The following RYR3 variants were observed in gnomAD, a reference collection of about 807,000 sequenced individuals.
RYR3 encodes brain ryanodine receptor-calcium release channel.
RYR3 carries 207 observed loss-of-function variants against 584.3 expected under a neutral mutation model. The observed-to-expected ratio is 0.35, with a 90% CI of 0.32 to 0.40. The LOEUF (loss-of-function observed/expected upper bound fraction) is 0.40, where lower values mean the gene tolerates loss of function less well. Ranked by LOEUF, RYR3 falls within the 10% of genes least tolerant of loss-of-function variation. The pLI, the probability that RYR3 is intolerant of heterozygous loss-of-function variation, is 1.00. For synonymous variants in RYR3, 2,416 were observed against 2,248.5 expected (o/e 1.07, Z -2.11); for missense variants, 5,616 against 6,089.2 (o/e 0.92, Z 2.59).
At chr15:33,402,951 C>A (rs964811479) in intron 1 of RYR3, among the ~76,000 whole-genome samples, 1 of 152,182 alleles carries the variant, frequency 6.6e-6, no homozygotes, top group Non-Finnish European at 1.5e-5. Flanking sequence ...TGCCTCACTG[C>A]GTCAGCCACA....
chr15:33,484,949 G>T (rs1053605239), intron 2 of RYR3, among the ~76,000 whole-genome samples: 7 of 152,090 alleles, frequency 4.6e-5, no homozygotes, highest in East Asian at 1.9e-4. Context: ...CCTTAGTAAA[G>T]GAATTGGTAA....
chr15:33,390,153 C>T lies in RYR3; in HGVS notation c.51+79057C>T, dbSNP rs1485814316. On this transcript the variant is annotated intron_variant, in intron 1 of 103. Transcript: ENST00000634891. This position sits in a 1 kb window ranked among gnomAD's most constrained non-coding sequence, Gnocchi z 4.2. ...TGTACTGTTATTCCAAGCAGAGTCT[C>T]GCTGCTGGGAGACAAGAAATGAAAT... 6.6e-6 allele frequency among the ~76,000 whole-genome samples: 1 copy of T among 152,200 alleles called. No individual in the cohort carries two copies. The highest frequency in any genetic ancestry group is 1.9e-4 in the East Asian group (1 of 5,206).
intron 18 of RYR3, among the ~76,000 whole-genome samples, chr15:33,606,328 A>G (rs2059901700): frequency 6.6e-6 from 1 of 152,178 alleles, no homozygotes; most frequent in Non-Finnish European, 1.5e-5. Flanking sequence ...TATGAATTGC[A>G]CTGCAGTTAT....
In RYR3 at chr15:33,572,673, A is replaced by ACG. The variant is rs2058091707; in HGVS notation, c.1268+5875_1268+5876insGC. Among the ~76,000 whole-genome samples, 4 of 139,034 alleles carry ACG rather than the reference A, an allele frequency of 2.9e-5. No homozygotes were observed. The Admixed American group carries it at 3.3e-4, about 11-fold the overall frequency. The allele number at this position is 139,034 out of a possible 152,430, so 91.2% of individuals were successfully genotyped here. On this transcript the variant is annotated intron_variant, in intron 12 of 103. Coordinates refer to ENST00000634891, the MANE Select transcript of RYR3 (RefSeq NM_001036.6). ...AAACTATATATACACACACACACAC[A>ACG]CACACACACACACACACTGGGCTGG...
intron 2 of RYR3, among the ~76,000 whole-genome samples, chr15:33,493,053 G>A (rs2051107884): frequency 1.3e-5 from 2 of 152,112 alleles, no homozygotes. Flanking sequence ...GCTCATTTGT[G>A]TTCTTCCCAC....
chr15:33,374,403 T>C (rs1256922365), intron 1 of RYR3, among the ~76,000 whole-genome samples: 3 of 150,574 alleles, frequency 2.0e-5, no homozygotes, highest in African/African-American at 7.3e-5. Flanking sequence ...TGTGTGTATA[T>C]ATATCTCCAC....
At chr15:33,500,803 G>A (rs1008052237) in intron 2 of RYR3, among the ~76,000 whole-genome samples, 4 of 152,194 alleles carry the variant, frequency 2.6e-5, no homozygotes, top group Non-Finnish European at 4.4e-5. Flanking sequence ...CATTCATCAG[G>A]AGTGTGGAGG....
intron 81 of RYR3, among the ~76,000 whole-genome samples, chr15:33,825,235 T>C (rs1226258498): frequency 6.7e-6 from 1 of 148,744 alleles, no homozygotes; most frequent in Non-Finnish European, 1.5e-5. Context: ...AAGTAAACTT[T>C]CCCTCGAGAA....
At chr15:33,553,107 G>A (rs2056806095) in intron 10 of RYR3, among the ~76,000 whole-genome samples, 1 of 152,120 alleles carries the variant, frequency 6.6e-6, no homozygotes, top group Non-Finnish European at 1.5e-5. Context: ...AGGGAGTGGT[G>A]GAGACAGTCA....
chr15:33,450,500 G>A (rs191521982), intron 1 of RYR3, among the ~76,000 whole-genome samples: 210 of 152,182 alleles, frequency 1.4e-3, no homozygotes, highest in African/African-American at 4.8e-3. Context: ...TACAGAGCCC[G>A]AGGTGCTGAG....
chr15:33,742,805 G>GGA (rs1555435227), intron 52 of RYR3, among the ~76,000 whole-genome samples: 305 of 149,286 alleles, frequency 2.0e-3, no homozygotes, highest in African/African-American at 6.6e-3. Context: ...ATGCAGATTG[G>GGA]AAAAAAAAAA....
chr15:33,729,112 A>G, intron 47 of RYR3, 86 bp downstream of exon 47: 1 of 1,114,492 alleles, frequency 9.0e-7, no homozygotes, highest in African/African-American at 1.6e-5. Context: ...TTTTCTCTTT[A>G]CTCACCAATT....
chr15:33,543,484 A>C (rs1355412251), intron 7 of RYR3, 138 bp from the exon 8 acceptor site: 2 of 680,526 alleles, frequency 2.9e-6, no homozygotes, highest in East Asian at 5.0e-5. Context: ...GCATTCATGG[A>C]ATATGTAGTT....
At position 33,865,340 on chromosome 15, in the gene RYR3, TAAAA is replaced by T. The variant is rs200704038; in HGVS notation, c.*121_*124del. 1 of 622,138 alleles carries T rather than the reference TAAAA, an allele frequency of 1.6e-6. No homozygotes were observed. The highest frequency in any genetic ancestry group is 2.4e-5 in the South Asian group (1 of 41,690). The allele number at this position is 622,138 out of a possible 1,614,324, so 38.5% of individuals were successfully genotyped here. Reference sequence around the variant, plus strand: ...TGTGACATTTTCTAAATGCCTCCCTTAAAAAAAAAACTGCTGAAAATCTGTGCTA... The same window carrying T: ...TGTGACATTTTCTAAATGCCTCCCTTAAAAAACTGCTGAAAATCTGTGCTA... On this transcript the variant is annotated 3_prime_UTR_variant, in exon 104 of 104. Transcript: ENST00000634891.
chr15:33,452,446 G>A (rs543577202), intron 1 of RYR3, among the ~76,000 whole-genome samples: 16 of 152,088 alleles, frequency 1.1e-4, no homozygotes, highest in Non-Finnish European at 2.2e-4. Context: ...TGCAACTTTA[G>A]AAATAATATG....
At position 33,785,819 on chromosome 15, in the gene RYR3, G is replaced by A. The variant is rs1209497399; in HGVS notation, c.9426G>A (p.Leu3142=). 5 of 1,613,958 alleles carry A rather than the reference G, an allele frequency of 3.1e-6. No homozygotes were observed. The South Asian group carries it at 5.5e-5, about 18-fold the overall frequency. Residue 3142 remains leucine, a synonymous_variant, in exon 66 of 104, where the codon TTG becomes TTA. Coordinates refer to ENST00000634891, the MANE Select transcript of RYR3 (RefSeq NM_001036.6). ...TCTTACCCATGCTCTGCAACTACTT[G>A]TCCTACTGGTGGGAGCGGGGTCCTG... The part of the protein sequence containing the change: ...EVILPMLCNY[L]SYWWERGPEN...
chr15:33,582,255 A>G (rs528850493), intron 14 of RYR3, among the ~76,000 whole-genome samples: 4 of 152,310 alleles, frequency 2.6e-5, no homozygotes, highest in African/African-American at 9.6e-5. Context: ...AGCCTGTGCA[A>G]GAAGGCGGCC....
At chr15:33,501,631 A>G (rs2142726949) in intron 2 of RYR3, among the ~76,000 whole-genome samples, 1 of 152,324 alleles carries the variant, frequency 6.6e-6, no homozygotes, top group East Asian at 1.9e-4. Context: ...CATGAAATTC[A>G]GGTAGGCAGA....
chr15:33,840,402 G>T (rs1483013554), intron 89 of RYR3, among the ~76,000 whole-genome samples: 2 of 152,152 alleles, frequency 1.3e-5, no homozygotes, highest in Non-Finnish European at 2.9e-5. Context: ...TAACTGCAGT[G>T]GTCCTCAGCC....
Sources: allele counts gnomAD v4.1 joint callset (sites outside exome capture counted in the v4.1 genomes callset), GRCh38; gene constraint gnomAD v4.1.1; non-coding constraint Gnocchi (gnomAD v3.1); transcripts MANE v1.5; gene names NCBI Gene and HGNC (gene_info 2026-07-23, HGNC 2026-07-21).